TBC1D14: variants seen among roughly 807,000 people sequenced by gnomAD.
The protein encoded by TBC1D14 is TBC1 domain family member 14.
In TBC1D14, 26 loss-of-function variants were observed where a neutral mutation model predicts 79.0. That is an observed-to-expected ratio of 0.33 (90% CI 0.24 to 0.46). TBC1D14 has a LOEUF of 0.46. Among genes scored for constraint, TBC1D14 ranks in the 20% least tolerant of loss-of-function variants. TBC1D14 has a pLI of 1.00. For synonymous variants in TBC1D14, 394 were observed against 349.9 expected (o/e 1.13, Z -1.40); for missense variants, 769 against 887.6 (o/e 0.87, Z 1.70).
At chr4:6,987,471 A>G (rs566081407) in intron 3 of TBC1D14, 4 of 967,364 alleles carry the variant, frequency 4.1e-6, no homozygotes, top group Admixed American at 4.2e-5. Context: ...GCGAGTGTGC[A>G]TGTGTGCGGT....
At chr4:6,951,798 A>G (rs1696985566) in intron 2 of TBC1D14, among the ~76,000 whole-genome samples, 1 of 152,202 alleles carries the variant, frequency 6.6e-6, no homozygotes, top group African/African-American at 2.4e-5. Context: ...CTTCACCAGT[A>G]AGGCCATTTG....
chr4:6,957,038 G>A (rs1714711451), intron 2 of TBC1D14, among the ~76,000 whole-genome samples: 1 of 152,258 alleles, frequency 6.6e-6, no homozygotes, highest in Non-Finnish European at 1.5e-5. Flanking sequence ...TGGAGCAGGA[G>A]CATGGTTGCA....
At chr4:6,930,568 C>T (rs1033414634) in intron 2 of TBC1D14, among the ~76,000 whole-genome samples, 8 of 152,132 alleles carry the variant, frequency 5.3e-5, no homozygotes, top group Middle Eastern at 3.2e-3. Context: ...GAGGCTGAGG[C>T]GGGTAGATCA....
At chr4:6,988,021 C>T (rs1718059553) in intron 3 of TBC1D14, among the ~76,000 whole-genome samples, 2 of 152,214 alleles carry the variant, frequency 1.3e-5, no homozygotes, top group Admixed American at 1.3e-4. Flanking sequence ...CAGATGTTCT[C>T]AGTGGCTTTA....
At chr4:6,968,606 G>C (rs1326511977) in intron 3 of TBC1D14, among the ~76,000 whole-genome samples, 1 of 151,978 alleles carries the variant, frequency 6.6e-6, no homozygotes, top group Admixed American at 6.6e-5. Context: ...TGCAGGCAGG[G>C]CCAGGCAGGT....
At chr4:6,955,219 C>T (rs1181611801) in intron 2 of TBC1D14, among the ~76,000 whole-genome samples, 1 of 152,136 alleles carries the variant, frequency 6.6e-6, no homozygotes, top group Admixed American at 6.5e-5. Context: ...ATGTGTGTGG[C>T]AATGTCAGTT....
rs139509472 is a variant in TBC1D14, at chr4:7,001,737, G to A, written c.1270+486G>A. On this transcript the variant is annotated intron_variant, in intron 7 of 13. Transcript: ENST00000409757. ...CTGCTGGGTGAGAACCATGCTCACCGATCTCTCGCTGTATTGCATCTACTC... is the reference window on the plus strand; with the variant it reads ...CTGCTGGGTGAGAACCATGCTCACCAATCTCTCGCTGTATTGCATCTACTC... Among the ~76,000 whole-genome samples the A allele has an allele frequency of 3.8e-3, 584 of 152,248 alleles. 6 individuals carry two copies. Among genetic ancestry groups the A allele is most frequent in the African/African-American group, 0.012 (507 of 41,530 alleles).
chr4:6,913,366 G>C (rs55706214), intron 1 of TBC1D14, among the ~76,000 whole-genome samples: 293 of 152,346 alleles, frequency 1.9e-3, no homozygotes, highest in South Asian at 8.1e-3. Context: ...TAAGTGTTCA[G>C]CTTATCGATG....
At chr4:6,989,428 G>A (rs1718256272) in intron 3 of TBC1D14, among the ~76,000 whole-genome samples, 1 of 152,200 alleles carries the variant, frequency 6.6e-6, no homozygotes, top group African/African-American at 2.4e-5. Flanking sequence ...TCTGCTGTCA[G>A]AGTGCCTCTT....
chr4:6,992,912 CAT>C (rs1390365472), intron 3 of TBC1D14, among the ~76,000 whole-genome samples: 2 of 152,210 alleles, frequency 1.3e-5, no homozygotes, highest in African/African-American at 4.8e-5. Context: ...AGTGTTAAGA[CAT>C]GTGACCATAT....
At chr4:6,913,457 T>C (rs1257516986) in intron 1 of TBC1D14, among the ~76,000 whole-genome samples, 1 of 152,220 alleles carries the variant, frequency 6.6e-6, no homozygotes, top group Admixed American at 6.5e-5. Flanking sequence ...AGGGACTGCA[T>C]TCATAAGTAC....
At chr4:6,939,847 C>T (rs559113289) in intron 2 of TBC1D14, among the ~76,000 whole-genome samples, 2 of 152,272 alleles carry the variant, frequency 1.3e-5, no homozygotes, top group African/African-American at 2.4e-5. Flanking sequence ...AGCATTTGAG[C>T]AAAGATGTGA....
rs141049958 is a variant in TBC1D14, at chr4:6,923,763, G to A, written c.374G>A (p.Arg125His). ...PSSTEREQSV[R>H]KSSTFPRTGY... is the part of the protein sequence containing the mutation. ...AGCACCGAGCGGGAACAGAGCGTGC[G>A]CAAATCCTCCACGTTTCCCAGGACA... The change falls in exon 2 of 14, where the codon CGC (arginine) becomes CAC (histidine). Residue 125 changes from arginine (R) to histidine (H), a missense_variant. Physicochemically the swap from Arg to His is conservative, Grantham distance 29. This residue lies in a region of TBC1D14 where 402 missense variants were observed against 393.2 expected (regional missense o/e 1.02). Coordinates refer to ENST00000409757, the MANE Select transcript of TBC1D14 (RefSeq NM_020773.3). The A allele has an allele frequency of 5.9e-5, 95 of 1,613,902 alleles. No individual in the cohort carries two copies. In the African/African-American group the frequency reaches 7.3e-4, roughly 12 times the overall value.
chr4:6,941,132 T>A (rs1222742702), intron 2 of TBC1D14, among the ~76,000 whole-genome samples: 1 of 151,688 alleles, frequency 6.6e-6, no homozygotes, highest in African/African-American at 2.4e-5. Context: ...ATGGTCCATT[T>A]CCTTCTGTTG....
chr4:6,957,598 G>C (rs1318130502), intron 2 of TBC1D14, among the ~76,000 whole-genome samples: 1 of 152,222 alleles, frequency 6.6e-6, no homozygotes, highest in Non-Finnish European at 1.5e-5. Context: ...TTGGGCTGGT[G>C]ATTGGGCACT....
intron 2 of TBC1D14, chr4:6,954,196 CA>C: frequency 2.9e-6 from 2 of 694,570 alleles, no homozygotes; most frequent in Non-Finnish European, 5.4e-6. Context: ...CGAGTGCACC[CA>C]TGGAGTTTCC....
chr4:6,987,746 A>T (rs898540573), intron 3 of TBC1D14, among the ~76,000 whole-genome samples: 1 of 152,188 alleles, frequency 6.6e-6, no homozygotes, highest in African/African-American at 2.4e-5. Context: ...GAGCCTTTGT[A>T]TGGAGATGAG....
Position 7,031,542 on chromosome 4 carries a change from C to G in TBC1D14, c.*1150C>G, listed in dbSNP as rs1244168181. 6.6e-6 allele frequency: 1 copy of G among 152,244 alleles called. No individual in the cohort carries two copies. Among genetic ancestry groups the G allele is most frequent in the East Asian group, 1.9e-4 (1 of 5,198 alleles). 9.4% of individuals were successfully genotyped at this position (152,244 alleles called of 1,614,324 possible). ...GTCGTTGGCAAATTTTTTGTTCTGT[C>G]TTTTCCTTGACTAATTGTAGAACTT... is the stretch of plus-strand genomic sequence containing the variant. On this transcript the variant is annotated 3_prime_UTR_variant, in exon 14 of 14. Transcript: ENST00000409757.
intron 3 of TBC1D14, among the ~76,000 whole-genome samples, chr4:6,983,825 C>G (rs913136902): frequency 2.6e-5 from 4 of 152,186 alleles, no homozygotes; most frequent in Non-Finnish European, 4.4e-5. Context: ...TTCTTCATCC[C>G]CAATGCCTTT....
Sources: allele counts gnomAD v4.1 joint callset (sites outside exome capture counted in the v4.1 genomes callset), GRCh38; gene constraint gnomAD v4.1.1; regional missense constraint gnomAD v4.1.1; transcripts MANE v1.5; gene names NCBI Gene and HGNC (gene_info 2026-07-23, HGNC 2026-07-21).